Variants in ATP2B1 observed in about 807,000 individuals in gnomAD.
The protein encoded by ATP2B1 is plasma membrane calcium-transporting ATPase 1.
In ATP2B1, 14 loss-of-function variants were observed where a neutral mutation model predicts 124.2. The observed-to-expected ratio is 0.11, with a 90% confidence interval of 0.07 to 0.18. ATP2B1 has a LOEUF of 0.18. Ranked by LOEUF, ATP2B1 falls within the 10% of genes least tolerant of loss-of-function variation. ATP2B1 has a pLI of 1.00. For synonymous variants in ATP2B1, 449 were observed against 492.4 expected (o/e 0.91, Z 1.17); for missense variants, 763 against 1,466.1 (o/e 0.52, Z 7.83).
chr12:89,615,658 C>T (rs1293261223), intron 12 of ATP2B1, among the ~76,000 whole-genome samples: 1 of 152,156 alleles, frequency 6.6e-6, no homozygotes, highest in African/African-American at 2.4e-5. Context: ...ACTGCTCGCT[C>T]TCTTTCTTGG....
At chr12:89,620,488 T>C (rs1565827894) in intron 10 of ATP2B1, among the ~76,000 whole-genome samples, 1 of 152,202 alleles carries the variant, frequency 6.6e-6, no homozygotes, top group Non-Finnish European at 1.5e-5. Context: ...CTTTGGTCCT[T>C]GGCTTCAGCA....
intron 8 of ATP2B1, among the ~76,000 whole-genome samples, chr12:89,625,863 G>A (rs907435852): frequency 3.3e-5 from 5 of 152,124 alleles, no homozygotes; most frequent in Non-Finnish European, 5.9e-5. Context: ...TGCAATTTAA[G>A]CAATTTTAAT....
At position 89,656,425 on chromosome 12, in the gene ATP2B1, T is replaced by C. The variant is rs567578182; in HGVS notation, c.-221-318A>G. Among the ~76,000 whole-genome samples, 281 of 152,344 alleles carry C rather than the reference T, an allele frequency of 1.8e-3. 4 individuals are homozygous for C. Among genetic ancestry groups the C allele is most frequent in the African/African-American group, 6.5e-3 (270 of 41,574 alleles). On this transcript the variant is annotated intron_variant, in intron 1 of 20. Transcript: ENST00000428670. ...TGCTAGTTGTTTTAAATTCATTCTC[T>C]CACTTAATCATTACAATTTAATCCC... is the stretch of plus-strand genomic sequence containing the variant.
At chr12:89,664,708 TGCTACTG>T (rs1305400272) in intron 1 of ATP2B1, among the ~76,000 whole-genome samples, 2 of 152,226 alleles carry the variant, frequency 1.3e-5, no homozygotes, top group Admixed American at 6.5e-5. Flanking sequence ...GTGATGCCAA[TGCTACTG>T]GTCTGGAGAG....
At chr12:89,599,675 T>G (rs1875402812) in intron 19 of ATP2B1, among the ~76,000 whole-genome samples, 1 of 151,992 alleles carries the variant, frequency 6.6e-6, no homozygotes, top group Non-Finnish European at 1.5e-5. Context: ...GCAAAACACG[T>G]TTACATTTCA....
At chr12:89,707,626 CCCT>C (rs1892635672) in intron 1 of ATP2B1, among the ~76,000 whole-genome samples, 1 of 152,168 alleles carries the variant, frequency 6.6e-6, no homozygotes, top group Non-Finnish European at 1.5e-5. Context: ...GAGGGTCGAG[CCCT>C]CCAAGTACCT....
intron 1 of ATP2B1, among the ~76,000 whole-genome samples, chr12:89,705,428 C>A (rs1892336664): frequency 6.6e-6 from 1 of 151,942 alleles, no homozygotes; most frequent in Non-Finnish European, 1.5e-5. Context: ...TCATCCATTA[C>A]AAAATTCCAG....
chr12:89,603,991 C>T lies in ATP2B1; in HGVS notation c.2635-66G>A. 6.6e-7 allele frequency: 1 copy of T among 1,516,580 alleles called. No homozygotes were observed. The highest frequency in any genetic ancestry group is 8.9e-7 in the Non-Finnish European group (1 of 1,120,618). The allele number at this position is 1,516,580 out of a possible 1,614,324, so 93.9% of individuals were successfully genotyped here. ...CAGGGGCTCAGCAATTCTCAGGAAA[C>T]CTTTAGGGTTTAAAAACTTGAGAAA... On this transcript the variant is annotated intron_variant, in intron 16 of 20. Transcript: ENST00000428670. This position sits in a 1 kb window ranked among gnomAD's most constrained non-coding sequence, Gnocchi z 4.3.
chr12:89,593,565 CAT>C (rs909087240), intron 20 of ATP2B1: 1 of 151,976 alleles, frequency 6.6e-6, no homozygotes, highest in Non-Finnish European at 1.5e-5. Context: ...ACTTTTTAAA[CAT>C]GTTAAATTTG....
intron 12 of ATP2B1, among the ~76,000 whole-genome samples, chr12:89,615,871 G>A (rs979346352): frequency 1.3e-5 from 2 of 152,010 alleles, no homozygotes; most frequent in Non-Finnish European, 2.9e-5. Context: ...CATGTCTAAC[G>A]CTCTATACAT....
At chr12:89,606,518 T>C (rs145877592) in intron 15 of ATP2B1, among the ~76,000 whole-genome samples, 1 of 152,222 alleles carries the variant, frequency 6.6e-6, no homozygotes, top group East Asian at 1.9e-4. Context: ...ACAATCTTAT[T>C]TTAGAATCTT....
At chr12:89,702,996 T>C (rs1892035430) in intron 1 of ATP2B1, among the ~76,000 whole-genome samples, 2 of 152,212 alleles carry the variant, frequency 1.3e-5, no homozygotes, top group African/African-American at 4.8e-5. Context: ...TAATTTAGAT[T>C]ACCATAAGCT....
intron 2 of ATP2B1, among the ~76,000 whole-genome samples, chr12:89,642,601 T>C (rs1451490660): frequency 1.3e-5 from 2 of 152,074 alleles, no homozygotes; most frequent in Non-Finnish European, 2.9e-5. Flanking sequence ...TGTTTTTTGT[T>C]TTTTATTTTG....
intron 1 of ATP2B1, among the ~76,000 whole-genome samples, chr12:89,659,862 G>T (rs1449545486): frequency 4.7e-5 from 7 of 149,634 alleles, no homozygotes; most frequent in Non-Finnish European, 7.4e-5. Flanking sequence ...GGCAGAGCTT[G>T]CAGTGAGCGG....
intron 1 of ATP2B1, among the ~76,000 whole-genome samples, chr12:89,658,373 T>G (rs78847919): frequency 6.6e-6 from 1 of 152,168 alleles, no homozygotes; most frequent in East Asian, 1.9e-4. Context: ...ACTGGAGGAC[T>G]CATGTATTCT....
intron 9 of ATP2B1, among the ~76,000 whole-genome samples, chr12:89,622,953 G>A (rs771813556): frequency 5.9e-5 from 9 of 152,006 alleles, no homozygotes; most frequent in South Asian, 2.1e-4. Flanking sequence ...ATGGCAGTTC[G>A]GTAAAATGAC....
At chr12:89,641,841 A>T (rs932010834) in intron 3 of ATP2B1, 1 of 219,586 alleles carries the variant, frequency 4.6e-6, no homozygotes, top group African/African-American at 2.3e-5. Flanking sequence ...TTCACAGTAT[A>T]GTGTTCTAAA....
chr12:89,623,394 A>G (rs999847950), intron 9 of ATP2B1, among the ~76,000 whole-genome samples: 3 of 151,880 alleles, frequency 2.0e-5, no homozygotes, highest in African/African-American at 7.3e-5. Flanking sequence ...TCCGTAAGAT[A>G]GAAAATTGAT....
rs116835891 is a variant in ATP2B1 at position 89,674,570 on chromosome 12, C to G, written c.-221-18463G>C. On this transcript the variant is annotated intron_variant, in intron 1 of 20. Transcript: ENST00000428670. ...AGAGAGCACTATGCTGCCAGTTTTACATAAAGTGGATGATTATTAATGATG... is the reference window on the plus strand; with the variant it reads ...AGAGAGCACTATGCTGCCAGTTTTAGATAAAGTGGATGATTATTAATGATG... Among the ~76,000 whole-genome samples the G allele has an allele frequency of 4.6e-3, 694 of 152,290 alleles. 4 individuals carry two copies. Among genetic ancestry groups the G allele is most frequent in the African/African-American group, 0.016 (650 of 41,566 alleles).
Sources: gnomAD v4.1 joint callset for allele counts (sites outside exome capture counted in the v4.1 genomes callset) on GRCh38, gnomAD v4.1.1 for gene constraint, Gnocchi (gnomAD v3.1) non-coding constraint, MANE v1.5 for transcripts, NCBI Gene and HGNC (gene_info 2026-07-23, HGNC 2026-07-21) for gene names.